SLC4A5: variants seen among roughly 807,000 people sequenced by gnomAD.
The protein encoded by SLC4A5 is solute carrier family 4 member 5, also known as electrogenic sodium bicarbonate cotransporter 4.
SLC4A5 carries 96 observed loss-of-function variants against 120.4 expected under a neutral mutation model. That is an observed-to-expected ratio of 0.80 (90% CI 0.68 to 0.94). The LOEUF (loss-of-function observed/expected upper bound fraction) is 0.94. Ranked by LOEUF, SLC4A5 falls within the 40% of genes least tolerant of loss-of-function variation. SLC4A5 has a pLI of 0.00. For missense variants in SLC4A5, 1,259 were observed against 1,459.5 expected (o/e 0.86, Z 2.24); for synonymous variants, 550 against 571.1 (o/e 0.96, Z 0.53).
At chr2:74,237,730 A>G (rs539582229) in intron 21 of SLC4A5, among the ~76,000 whole-genome samples, 1 of 152,252 alleles carries the variant, frequency 6.6e-6, no homozygotes, top group South Asian at 2.1e-4. Context: ...CCCACGGCAC[A>G]GTTACTGCTT....
exon 31 of SLC4A5, chr2:74,217,535 A>G (rs1694484447): frequency 6.6e-6 from 1 of 152,230 alleles, no homozygotes; most frequent in African/African-American, 2.4e-5. Flanking sequence ...GACTTTGGGA[A>G]TAAACATTGA....
chr2:74,304,518 T>C, exon 7 of SLC4A5: 1 of 1,613,918 alleles, frequency 6.2e-7, no homozygotes, highest in Non-Finnish European at 8.5e-7. Flanking sequence ...CATGCTGCTG[T>C]CCTGGCTGCT....
chr2:74,327,630 G>A (rs543145873), intron 5 of SLC4A5, among the ~76,000 whole-genome samples: 1 of 152,274 alleles, frequency 6.6e-6, no homozygotes, highest in African/African-American at 2.4e-5. Flanking sequence ...AAGGAGACTA[G>A]CCATTATTCT....
chr2:74,242,120 C>A, intron 19 of SLC4A5, 68 bp from the exon 20 acceptor site: 1 of 1,435,762 alleles, frequency 7.0e-7, no homozygotes, highest in Non-Finnish European at 9.6e-7. Flanking sequence ...TTCCCAACCC[C>A]TTCCCATCTC....
At chr2:74,287,661 C>CTCTCT (rs1672025315) in intron 7 of SLC4A5, among the ~76,000 whole-genome samples, 1 of 152,166 alleles carries the variant, frequency 6.6e-6, no homozygotes, top group Non-Finnish European at 1.5e-5. Flanking sequence ...ACCTTTGCTC[C>CTCTCT]TCTCTTCAAG....
chr2:74,221,259 G>C (rs575941564), intron 30 of SLC4A5, among the ~76,000 whole-genome samples, 175 bp downstream of exon 30: 1 of 152,238 alleles, frequency 6.6e-6, no homozygotes, highest in Non-Finnish European at 1.5e-5. Flanking sequence ...AGACATACTT[G>C]TTTCTTGGCC....
At chr2:74,320,736 A>G (rs1673075364) in intron 5 of SLC4A5, among the ~76,000 whole-genome samples, 1 of 152,186 alleles carries the variant, frequency 6.6e-6, no homozygotes, top group Non-Finnish European at 1.5e-5. Context: ...AGGCAAAGGA[A>G]AGTCACCGGA....
At chr2:74,310,936 CT>C (rs1004124079) in intron 6 of SLC4A5, among the ~76,000 whole-genome samples, 203 of 136,904 alleles carry the variant, frequency 1.5e-3, no homozygotes, top group Admixed American at 1.9e-3. Context: ...GCCTGTTGCT[CT>C]TTTTTTTTTT....
At chr2:74,272,840 A>G (rs1178767296) in intron 8 of SLC4A5, among the ~76,000 whole-genome samples, 2 of 152,252 alleles carry the variant, frequency 1.3e-5, no homozygotes, top group African/African-American at 2.4e-5. Flanking sequence ...TACCAGGTAC[A>G]GTCAAGGCTT....
At chr2:74,325,654 T>A (rs923130216) in intron 5 of SLC4A5, among the ~76,000 whole-genome samples, 1 of 152,184 alleles carries the variant, frequency 6.6e-6, no homozygotes, top group Non-Finnish European at 1.5e-5. Flanking sequence ...ATGTCAGGTA[T>A]TTTGCTTTCA....
chr2:74,264,385 G>T, intron 9 of SLC4A5, 86 bp from the exon 10 acceptor site: 1 of 1,458,902 alleles, frequency 6.9e-7, no homozygotes, highest in Non-Finnish European at 9.2e-7. Flanking sequence ...GTTATTAGTG[G>T]GATTAAATGT....
At chr2:74,305,719 T>A (rs1672620915) in intron 6 of SLC4A5, among the ~76,000 whole-genome samples, 1 of 144,322 alleles carries the variant, frequency 6.9e-6, no homozygotes, top group Admixed American at 6.9e-5. Flanking sequence ...CCCTTTTCTT[T>A]CCTTTTTTTT....
intron 21 of SLC4A5, among the ~76,000 whole-genome samples, chr2:74,237,985 C>T (rs1670321265): frequency 6.6e-6 from 1 of 151,948 alleles, no homozygotes; most frequent in African/African-American, 2.4e-5. Flanking sequence ...GCCTGTAGTC[C>T]CAGCTATTTG....
chr2:74,316,991 G>A (rs1672985884), intron 5 of SLC4A5, among the ~76,000 whole-genome samples: 1 of 152,152 alleles, frequency 6.6e-6, no homozygotes, highest in Non-Finnish European at 1.5e-5. Flanking sequence ...AGGTGAACAT[G>A]GGCATGCGTA....
chr2:74,321,409 T>A (rs1419452273), intron 5 of SLC4A5, among the ~76,000 whole-genome samples: 1 of 152,184 alleles, frequency 6.6e-6, no homozygotes. Flanking sequence ...TCTTCCTTCC[T>A]GGATAGAGTT....
intron 14 of SLC4A5, 140 bp downstream of exon 14, chr2:74,254,479 A>G (rs909958642): frequency 1.4e-6 from 1 of 694,282 alleles, no homozygotes; most frequent in East Asian, 2.5e-5. Flanking sequence ...CCTGATTCTC[A>G]TAATCTTTAG....
intron 24 of SLC4A5, 118 bp downstream of exon 24, chr2:74,232,351 G>C: frequency 2.5e-6 from 3 of 1,184,026 alleles, no homozygotes; most frequent in Non-Finnish European, 3.6e-6. Flanking sequence ...TGTGGTTCTT[G>C]GGCCGTCAGA....
chr2:74,298,264 T>C (rs190222191), intron 7 of SLC4A5, among the ~76,000 whole-genome samples: 31 of 152,244 alleles, frequency 2.0e-4, no homozygotes, highest in Admixed American at 7.8e-4. Context: ...CACAGAAACA[T>C]GCACACATAC....
At chr2:74,223,821 A>G (rs1432337891) in intron 28 of SLC4A5, among the ~76,000 whole-genome samples, 1 of 152,234 alleles carries the variant, frequency 6.6e-6, no homozygotes, top group Admixed American at 6.5e-5. Flanking sequence ...GAGCACAGTA[A>G]TTAAGGACCA....
Sources: gnomAD v4.1 joint callset for allele counts (sites outside exome capture counted in the v4.1 genomes callset) on GRCh38, gnomAD v4.1.1 for gene constraint, MANE v1.5 for transcripts, NCBI Gene and HGNC (gene_info 2026-07-23, HGNC 2026-07-21) for gene names.